Variants in BCL2L1 observed in about 807,000 individuals in gnomAD.
BCL2L1 encodes BCL2 like 1.
In BCL2L1, 1 loss-of-function variant was observed where a neutral mutation model predicts 18.7. That is an observed-to-expected ratio of 0.05 (90% CI 0.02 to 0.25). The LOEUF (loss-of-function observed/expected upper bound fraction) is 0.25, where lower values mean the gene tolerates loss of function less well. Ranked by LOEUF, BCL2L1 falls within the 10% of genes least tolerant of loss-of-function variation. The pLI is 1.00. For missense variants in BCL2L1, 207 were observed against 304.9 expected (o/e 0.68, Z 2.39); for synonymous variants, 103 against 122.7 (o/e 0.84, Z 1.06).
intron 2 of BCL2L1, among the ~76,000 whole-genome samples, chr20:31,671,682 G>C (rs1281822766): frequency 1.3e-5 from 2 of 151,942 alleles, no homozygotes; most frequent in African/African-American, 4.8e-5. Context: ...CATTCTCAAT[G>C]GTGGTAAGAT....
chr20:31,720,969 G>C, intron 2 of BCL2L1: 1 of 985,412 alleles, frequency 1.0e-6, no homozygotes, highest in Non-Finnish European at 1.2e-6. Context: ...CACAGCAAGT[G>C]CTCCACAAAC....
At chr20:31,694,730 C>G (rs2061139210) in intron 2 of BCL2L1, among the ~76,000 whole-genome samples, 1 of 152,156 alleles carries the variant, frequency 6.6e-6, no homozygotes, top group Non-Finnish European at 1.5e-5. Context: ...ATCATCTAGA[C>G]AGTAGGCTTA....
intron 2 of BCL2L1, among the ~76,000 whole-genome samples, chr20:31,675,946 C>T (rs529970765): frequency 1.3e-5 from 2 of 152,226 alleles, no homozygotes; most frequent in Non-Finnish European, 2.9e-5. Flanking sequence ...CCTCCTCCCC[C>T]ACCATTAGTT....
rs2122872866 is a variant in BCL2L1, at chr20:31,721,778, G to A, written c.441C>T (p.Gly147=). 1.9e-6 allele frequency: 3 copies of A among 1,614,076 alleles called. No homozygotes were observed. The highest frequency in any genetic ancestry group is 2.5e-6 in the Non-Finnish European group (3 of 1,180,000). The change falls in exon 2 of 3, where the codon GGC becomes GGT. Residue 147 remains glycine, a synonymous_variant. Coordinates refer to ENST00000307677, the MANE Select transcript of BCL2L1 (RefSeq NM_138578.3). ...CTACGCTTTCCACGCACAGTGCCCCGCCGAAGGAGAAAAAGGCCACAATGC... is the reference window on the plus strand; with the variant it reads ...CTACGCTTTCCACGCACAGTGCCCCACCGAAGGAGAAAAAGGCCACAATGC... ...WGRIVAFFSF[G]GALCVESVDK...
intron 2 of BCL2L1, among the ~76,000 whole-genome samples, chr20:31,690,234 G>A (rs2122614257): frequency 6.6e-6 from 1 of 152,014 alleles, no homozygotes; most frequent in East Asian, 1.9e-4. Context: ...TAGGACTACA[G>A]GTGTGTACCA....
rs970747849 is a variant in BCL2L1, at chr20:31,720,210, A to C, written c.564+1445T>G. On this transcript the variant is annotated intron_variant, in intron 2 of 2. Coordinates refer to ENST00000307677, the MANE Select transcript of BCL2L1 (RefSeq NM_138578.3). ...GCACAGACGAGTTGAAATTGCAAAG[A>C]AATGCAAAATGAGAGAGGGGGTGGG... 7 of 949,528 alleles carry C rather than the reference A, an allele frequency of 7.4e-6. No individual in the cohort carries two copies. In the African/African-American group the frequency reaches 1.2e-4, roughly 17 times the overall value. 58.8% of individuals were successfully genotyped at this position (949,528 alleles called of 1,614,324 possible). A position where few individuals can be genotyped will look rare whatever the true frequency, so the allele number is the denominator to read the frequency against.
intron 2 of BCL2L1, among the ~76,000 whole-genome samples, chr20:31,687,783 A>G (rs2060988072): frequency 6.6e-6 from 1 of 151,846 alleles, no homozygotes; most frequent in South Asian, 2.1e-4. Flanking sequence ...TGGGTTCCTC[A>G]TAGCTTCCAG....
chr20:31,693,837 CAT>C (rs572030789), intron 2 of BCL2L1, among the ~76,000 whole-genome samples: 5 of 152,060 alleles, frequency 3.3e-5, no homozygotes, highest in Non-Finnish European at 5.9e-5. Flanking sequence ...GCAAGGCAAA[CAT>C]ATGTTTGATT....
intron 2 of BCL2L1, among the ~76,000 whole-genome samples, chr20:31,714,929 C>G (rs926839740): frequency 2.0e-5 from 3 of 152,150 alleles, no homozygotes; most frequent in Non-Finnish European, 2.9e-5. Flanking sequence ...TATTCTTTTT[C>G]ACCTGGCAAT....
upstream of BCL2L1, chr20:31,723,952 CG>C (rs2061675729): frequency 1.0e-6 from 1 of 985,352 alleles, no homozygotes; most frequent in Non-Finnish European, 1.2e-6. Flanking sequence ...CAGTCACTTC[CG>C]GTGCCGCGGC....
chr20:31,717,016 A>C (rs189604166), intron 2 of BCL2L1, among the ~76,000 whole-genome samples: 67 of 152,268 alleles, frequency 4.4e-4, no homozygotes, highest in Middle Eastern at 3.4e-3. Context: ...TCAAAGAAAA[A>C]AGAGGGAGTC....
chr20:31,682,943 C>T (rs1898628382), intron 2 of BCL2L1, among the ~76,000 whole-genome samples: 1 of 152,114 alleles, frequency 6.6e-6, no homozygotes, highest in Non-Finnish European at 1.5e-5. Flanking sequence ...CACCATTTCC[C>T]ACCACCTCCA....
chr20:31,694,040 G>A (rs2061127716), intron 2 of BCL2L1, among the ~76,000 whole-genome samples: 1 of 152,184 alleles, frequency 6.6e-6, no homozygotes, highest in Admixed American at 6.5e-5. Flanking sequence ...GAAGGGTTAA[G>A]CCTGTTTCTC....
At position 31,722,237 on chromosome 20, in the gene BCL2L1, C is replaced by A; in HGVS notation, c.-19G>T. ...GAGACATTTTTATAATAGGGATGGG[C>A]TCAACCAGTCCATTGTCCAAAACAC... On this transcript the variant is annotated 5_prime_UTR_variant, in exon 2 of 3. Coordinates refer to ENST00000307677, the MANE Select transcript of BCL2L1 (RefSeq NM_138578.3). The A allele has an allele frequency of 1.4e-6, 2 of 1,475,188 alleles. No homozygotes were observed. Among genetic ancestry groups the A allele is most frequent in the Non-Finnish European group, 1.8e-6 (2 of 1,114,570 alleles). 91.4% of individuals were successfully genotyped at this position (1,475,188 alleles called of 1,614,324 possible). A position where few individuals can be genotyped will look rare whatever the true frequency, so the allele number is the denominator to read the frequency against.
chr20:31,717,546 G>T (rs535052166), intron 2 of BCL2L1, among the ~76,000 whole-genome samples: 1 of 152,298 alleles, frequency 6.6e-6, no homozygotes, highest in Admixed American at 6.5e-5. Context: ...GTGTTTCAAG[G>T]GGGAGCCCCT....
Position 31,721,814 on chromosome 20 carries a change from T to C in BCL2L1, c.405A>G (p.Val135=), listed in dbSNP as rs1304842445. The change falls in exon 2 of 3, where the codon GTA becomes GTG. Residue 135 remains valine, a synonymous_variant. Coordinates refer to ENST00000307677, the MANE Select transcript of BCL2L1 (RefSeq NM_138578.3). The part of the protein sequence containing the change: ...QVVNELFRDG[V]NWGRIVAFFS... The stretch of plus-strand genomic sequence containing the variant: ...AAAAGGCCACAATGCGACCCCAGTT[T>C]ACCCCATCCCGGAAGAGTTCATTCA... 1.2e-6 allele frequency: 2 copies of C among 1,614,186 alleles called. No individual in the cohort carries two copies. Among genetic ancestry groups the C allele is most frequent in the Non-Finnish European group, 1.7e-6 (2 of 1,180,044 alleles).
chr20:31,681,504 G>T (rs966668977), intron 2 of BCL2L1, among the ~76,000 whole-genome samples: 3 of 152,170 alleles, frequency 2.0e-5, no homozygotes, highest in African/African-American at 7.2e-5. Context: ...ACACAAAGTA[G>T]CCAGGCGTGA....
At chr20:31,718,861 G>C (rs1480154157) in intron 2 of BCL2L1, among the ~76,000 whole-genome samples, 3 of 152,162 alleles carry the variant, frequency 2.0e-5, no homozygotes, top group Non-Finnish European at 4.4e-5. Flanking sequence ...CACCTTCACA[G>C]GCATGGTTTG....
rs2060582662 is a variant in BCL2L1, at chr20:31,666,091, A to G, written c.565-5T>C. ...ATAGAGTTCCACAAAAGTATCCTGC[A>G]GGGAGAGAGAAGGAAGGTGCAGTTT... On this transcript the variant is annotated splice_region_variant and splice_polypyrimidine_tract_variant and intron_variant, in intron 2 of 2. Transcript: ENST00000307677. 2 of 1,613,982 alleles carry G rather than the reference A, an allele frequency of 1.2e-6. No homozygotes were observed. Among genetic ancestry groups the G allele is most frequent in the African/African-American group, 1.3e-5 (1 of 75,026 alleles).
Sources: allele counts gnomAD v4.1 joint callset (sites outside exome capture counted in the v4.1 genomes callset), GRCh38; gene constraint gnomAD v4.1.1; transcripts MANE v1.5; gene names NCBI Gene and HGNC (gene_info 2026-07-23, HGNC 2026-07-21).